The following ABCE1 variants were observed in gnomAD, a reference collection of about 807,000 sequenced individuals.
ABCE1 encodes ATP binding cassette subfamily E member 1.
A neutral mutation model predicts 83.4 loss-of-function variants in ABCE1; 22 were observed. That is an observed-to-expected ratio of 0.26 (90% confidence interval 0.19 to 0.38). The LOEUF (loss-of-function observed/expected upper bound fraction) is 0.38. Among genes scored for constraint, ABCE1 ranks in the 10% least tolerant of loss-of-function variants. ABCE1 has a pLI of 1.00. For synonymous variants in ABCE1, 204 were observed against 233.7 expected, an observed-to-expected ratio of 0.87 and a Z score of 1.16; for missense variants, 330 against 721.9, an observed-to-expected ratio of 0.46 and a Z score of 6.22.
At chr4:145,125,128 T>C (rs1749846574) in intron 17 of ABCE1, 27 bp downstream of exon 17, 1 of 1,452,712 alleles carries the variant, frequency 6.9e-7, no homozygotes, top group Non-Finnish European at 9.7e-7. Context: ...TCTTAAATCA[T>C]GGATTACTGA....
intron 1 of ABCE1, among the ~76,000 whole-genome samples, chr4:145,099,512 C>T (rs574472704): frequency 5.3e-5 from 8 of 152,144 alleles, no homozygotes; most frequent in Non-Finnish European, 1.0e-4. Flanking sequence ...TTTTTGAGAA[C>T]TTAGTTCTCC....
At chr4:145,127,239 A>G (rs115112437) in intron 17 of ABCE1, among the ~76,000 whole-genome samples, 221 of 152,322 alleles carry the variant, frequency 1.5e-3, no homozygotes, top group African/African-American at 5.1e-3. Flanking sequence ...TAGTTTTCCT[A>G]GAAATAATAA....
At chr4:145,102,458 A>G (rs1749178569) in intron 1 of ABCE1, among the ~76,000 whole-genome samples, 1 of 152,186 alleles carries the variant, frequency 6.6e-6, no homozygotes, top group African/African-American at 2.4e-5. Context: ...TTCTTATGGA[A>G]TGTCTTCTAG....
intron 11 of ABCE1, chr4:145,120,969 CT>C: frequency 1.8e-6 from 1 of 551,100 alleles, no homozygotes; most frequent in South Asian, 2.3e-5. Context: ...TTTGACTAGT[CT>C]TTATTCCTCT....
Position 145,127,537 on chromosome 4 carries a change from AAAG to A in ABCE1, c.1769_1771del (p.Lys590del). The A allele has an allele frequency of 1.3e-6, 2 of 1,582,354 alleles. No homozygotes were observed. Among genetic ancestry groups the A allele is most frequent in the African/African-American group, 1.4e-5 (1 of 72,480 alleles). ...GTTTTCTTTTTTAGGATGTAGAACAAAAGAAGAGTGGAAACTACTTTTTCTTGG... is the reference window on the plus strand; with the variant it reads ...GTTTTCTTTTTTAGGATGTAGAACAAAAGAGTGGAAACTACTTTTTCTTGG... On this transcript the variant is annotated inframe_deletion, in exon 18 of 18. Coordinates refer to ENST00000296577, the MANE Select transcript of ABCE1 (RefSeq NM_002940.3).
intron 17 of ABCE1, among the ~76,000 whole-genome samples, chr4:145,125,935 G>T (rs186077608): frequency 6.6e-6 from 1 of 152,108 alleles, no homozygotes; most frequent in East Asian, 1.9e-4. Flanking sequence ...CAGCTACTCG[G>T]GAGGCTGAGG....
In ABCE1 at chr4:145,109,145, C is replaced by T; in HGVS notation, c.301C>T (p.Arg101Cys). ...AFKLHRLPIP[R>C]PGEVLGLVGT... ...TACTTGTAACAGGTTGCCTATCCCT[C>T]GTCCAGGTGAAGTTTTGGGATTAGT... Residue 101 changes from arginine to cysteine, a missense_variant, in exon 5 of 18, where the codon CGT (arginine) becomes TGT (cysteine). By Grantham distance (180) the Arg-to-Cys change is radical (BLOSUM62 -3). Coordinates refer to ENST00000296577, the MANE Select transcript of ABCE1 (RefSeq NM_002940.3). The T allele has an allele frequency of 6.2e-7, 1 of 1,611,116 alleles. No individual in the cohort carries two copies. Among genetic ancestry groups the T allele is most frequent in the Non-Finnish European group, 8.5e-7 (1 of 1,178,696 alleles).
intron 17 of ABCE1, among the ~76,000 whole-genome samples, chr4:145,126,691 T>C (rs968480979): frequency 1.3e-5 from 2 of 152,214 alleles, no homozygotes; most frequent in Non-Finnish European, 2.9e-5. Context: ...AGAAGTATGT[T>C]ATACATACTT....
In ABCE1 at chr4:145,103,556, G is replaced by T. The variant is rs1749212650; in HGVS notation, c.-27-830G>T. Among the ~76,000 whole-genome samples, 5 of 152,010 alleles carry T rather than the reference G, an allele frequency of 3.3e-5. No individual in the cohort carries two copies. In the South Asian group the frequency reaches 1.0e-3, roughly 31 times the overall value. ...GCATAGTATATACATATAGTTATTT[G>T]GTCTCCTTTTAATTTCATTGCTATT... On this transcript the variant is annotated intron_variant, in intron 1 of 17. Transcript: ENST00000296577.
chr4:145,112,232 TTCATAG>T lies in ABCE1; in HGVS notation c.711-5_711del. 4 of 1,512,780 alleles carry T rather than the reference TTCATAG, an allele frequency of 2.6e-6. No individual in the cohort carries two copies. The highest frequency in any genetic ancestry group is 2.7e-6 in the Non-Finnish European group (3 of 1,131,512). 93.7% of individuals were successfully genotyped at this position (1,512,780 alleles called of 1,614,324 possible). ...TTATATTTGCTTTTTTTTTTTTTTTTTCATAGTTTCATGTTTGATGAGCCTTCTAGT... is the reference window on the plus strand; with the variant it reads ...TTATATTTGCTTTTTTTTTTTTTTTTTTTCATGTTTGATGAGCCTTCTAGT... On this transcript the variant is annotated splice_acceptor_variant and splice_polypyrimidine_tract_variant and intron_variant, in intron 8 of 17. Transcript: ENST00000296577. LOFTEE classifies it high-confidence loss of function.
At position 145,122,726 on chromosome 4, in the gene ABCE1, G is replaced by A. The variant is rs140371073; in HGVS notation, c.1264-295G>A. On this transcript the variant is annotated intron_variant, in intron 13 of 17. Coordinates refer to ENST00000296577, the MANE Select transcript of ABCE1 (RefSeq NM_002940.3). ...CTCTAGAGGCTGAAGTGGGAGGATC[G>A]CTTGAGCTTGGGAGGTTGATGCTGC... The A allele has an allele frequency of 3.8e-3, 769 of 201,776 alleles. 7 individuals carry two copies. Among genetic ancestry groups the A allele is most frequent in the Middle Eastern group, 0.03 (17 of 560 alleles). 12.5% of individuals were successfully genotyped at this position (201,776 alleles called of 1,614,324 possible).
chr4:145,106,009 A>T (rs779194698), intron 3 of ABCE1, among the ~76,000 whole-genome samples: 1 of 151,942 alleles, frequency 6.6e-6, no homozygotes, highest in Non-Finnish European at 1.5e-5. Flanking sequence ...TTGAATTTTA[A>T]ATTCACACCT....
chr4:145,112,935 G>C (rs957484557), intron 9 of ABCE1, among the ~76,000 whole-genome samples: 1 of 152,134 alleles, frequency 6.6e-6, no homozygotes, highest in African/African-American at 2.4e-5. Flanking sequence ...GTATGACAAA[G>C]CTGTGACCAG....
chr4:145,117,696 CTGCAGTATTACTGTAG>C (rs3836694), intron 10 of ABCE1, among the ~76,000 whole-genome samples: 41,432 of 151,620 alleles, frequency 0.27, 7,111 homozygotes, highest in Non-Finnish European at 0.38. Context: ...ATTTTGGCTT[CTGCAGTATTACTGTAG>C]TATTTGTCAT....
In ABCE1 at chr4:145,120,154, G is replaced by GT; in HGVS notation, c.1144+2dup. On this transcript the variant is annotated splice_donor_variant, in intron 11 of 17. Transcript: ENST00000296577. LOFTEE classifies it high-confidence loss of function. ...ATTATGGTGATGCTGGGGGAAAATG[G>GT]TAAGTTTTCTGTTTTGTGATAAGTA... 1 of 1,598,748 alleles carries GT rather than the reference G, an allele frequency of 6.3e-7. No individual in the cohort carries two copies. The highest frequency in any genetic ancestry group is 8.5e-7 in the Non-Finnish European group (1 of 1,174,868).
At chr4:145,127,244 T>TA (rs1368549144) in intron 17 of ABCE1, among the ~76,000 whole-genome samples, 2 of 152,292 alleles carry the variant, frequency 1.3e-5, no homozygotes, top group Admixed American at 6.5e-5. Context: ...TTCCTAGAAA[T>TA]AATAACACAT....
In ABCE1 at chr4:145,128,242, A is replaced by G. The variant is rs944060508; in HGVS notation, c.*669A>G. Reference sequence around the variant, plus strand: ...CAAAAAACCCCTAACTTTACTCTGAACTTTTTTTGTTTTTGCATTCCATGA... The same window carrying G: ...CAAAAAACCCCTAACTTTACTCTGAGCTTTTTTTGTTTTTGCATTCCATGA... On this transcript the variant is annotated 3_prime_UTR_variant, in exon 18 of 18. Coordinates refer to ENST00000296577, the MANE Select transcript of ABCE1 (RefSeq NM_002940.3). The G allele has an allele frequency of 1.3e-5, 2 of 152,574 alleles. No homozygotes were observed. The highest frequency in any genetic ancestry group is 2.4e-5 in the African/African-American group (1 of 41,428). The allele number at this position is 152,574 out of a possible 1,614,324, so 9.5% of individuals were successfully genotyped here.
At chr4:145,125,652 C>G (rs965152913) in intron 17 of ABCE1, among the ~76,000 whole-genome samples, 1 of 152,062 alleles carries the variant, frequency 6.6e-6, no homozygotes, top group African/African-American at 2.4e-5. Flanking sequence ...GTTGTACTAC[C>G]TATATTGATT....
intron 4 of ABCE1, among the ~76,000 whole-genome samples, chr4:145,108,805 A>G (rs967335669): frequency 6.6e-6 from 1 of 152,202 alleles, no homozygotes; most frequent in Non-Finnish European, 1.5e-5. Context: ...GCATTTTGTT[A>G]TACATTAAAA....
Sources: allele counts gnomAD v4.1 joint callset (sites outside exome capture counted in the v4.1 genomes callset), GRCh38; gene constraint gnomAD v4.1.1; transcripts MANE v1.5; gene names NCBI Gene and HGNC (gene_info 2026-07-23, HGNC 2026-07-21).